Variants in ARHGAP22 observed in about 807,000 individuals in gnomAD.
ARHGAP22 encodes Rho GTPase activating protein 22, also known as rho GTPase-activating protein 22.
Under a neutral mutation model 59.1 loss-of-function variants are expected in ARHGAP22, and 48 were observed. The observed-to-expected ratio is 0.81, with a 90% CI of 0.64 to 1.03. The LOEUF is 1.03. Ranked by LOEUF, ARHGAP22 falls within the 50% of genes least tolerant of loss-of-function variation. ARHGAP22 has a pLI of 0.00. For missense variants in ARHGAP22, 1,015 were observed against 958.7 expected, an observed-to-expected ratio of 1.06 and a Z score of -0.78; for synonymous variants, 445 against 416.4, an observed-to-expected ratio of 1.07 and a Z score of -0.84.
chr10:48,591,694 C>A (rs185066058), intron 1 of ARHGAP22, among the ~76,000 whole-genome samples: 1 of 151,972 alleles, frequency 6.6e-6, no homozygotes, highest in Non-Finnish European at 1.5e-5. Flanking sequence ...GGCAACATGG[C>A]GAAACCTCAT....
At chr10:48,599,038 G>T (rs980202476) in intron 1 of ARHGAP22, among the ~76,000 whole-genome samples, 5 of 152,178 alleles carry the variant, frequency 3.3e-5, no homozygotes, top group Non-Finnish European at 7.3e-5. Context: ...GGCAATAGTG[G>T]TCTTTTTCTC....
intron 1 of ARHGAP22, among the ~76,000 whole-genome samples, chr10:48,603,402 A>T (rs1160579954): frequency 1.3e-5 from 2 of 152,266 alleles, no homozygotes; most frequent in African/African-American, 4.8e-5. Context: ...TTAATAATAG[A>T]TTTTATTTAA....
intron 1 of ARHGAP22, among the ~76,000 whole-genome samples, chr10:48,610,739 G>T (rs927984713): frequency 6.6e-6 from 1 of 152,162 alleles, no homozygotes; most frequent in African/African-American, 2.4e-5. Flanking sequence ...CCCAACTGGC[G>T]CTCCGAGCAG....
intron 9 of ARHGAP22, among the ~76,000 whole-genome samples, chr10:48,447,238 G>T: frequency 6.6e-6 from 1 of 152,240 alleles, no homozygotes; most frequent in Non-Finnish European, 1.5e-5. Flanking sequence ...GGCTCATGCT[G>T]CAGTGTGCCA....
intron 4 of ARHGAP22, among the ~76,000 whole-genome samples, chr10:48,476,902 T>G (rs2048807747): frequency 6.6e-6 from 1 of 152,242 alleles, no homozygotes; most frequent in African/African-American, 2.4e-5. Context: ...CCACCTCCAC[T>G]TCTCAGTTCT....
At chr10:48,552,807 A>T (rs945045947) in intron 3 of ARHGAP22, among the ~76,000 whole-genome samples, 1 of 152,164 alleles carries the variant, frequency 6.6e-6, no homozygotes, top group African/African-American at 2.4e-5. Flanking sequence ...AGGTGGGTTC[A>T]TCCAATCTTC....
intron 1 of ARHGAP22, among the ~76,000 whole-genome samples, chr10:48,584,950 C>T (rs61838387): frequency 0.15 from 22,308 of 150,852 alleles, 1,788 homozygotes; most frequent in Middle Eastern, 0.28. Context: ...GCTGAGATTG[C>T]GCCACTGCAC....
intron 1 of ARHGAP22, among the ~76,000 whole-genome samples, chr10:48,603,954 T>C (rs1251995884): frequency 2.0e-5 from 3 of 152,366 alleles, no homozygotes; most frequent in East Asian, 3.9e-4. Flanking sequence ...CTCCACTTCA[T>C]TGTTTACAAA....
chr10:48,616,138 C>G (rs529408430), intron 1 of ARHGAP22, among the ~76,000 whole-genome samples: 1 of 152,232 alleles, frequency 6.6e-6, no homozygotes, highest in East Asian at 1.9e-4. Flanking sequence ...GTGAGTCTAT[C>G]AGTGCCTATT....
rs773572817 is a variant in ARHGAP22, at chr10:48,446,408, C to A, written c.2080G>T (p.Ala694Ser). 4.3e-6 allele frequency: 7 copies of A among 1,614,040 alleles called. No homozygotes were observed. In the African/African-American group the frequency reaches 8.0e-5, roughly 18 times the overall value. The change falls in exon 10 of 10, where the codon GCC (alanine) becomes TCC (serine). Residue 694 changes from alanine to serine, a missense_variant. Ala to Ser is a moderately conservative substitution (Grantham distance 99). Coordinates refer to ENST00000249601, the MANE Select transcript of ARHGAP22 (RefSeq NM_021226.4). ...CATTCCTTTTACTTTGGGGCCCTGG[C>A]ACCTTTTGCCCCAACAGTCAAGCTT... is the stretch of plus-strand genomic sequence containing the variant. ...LGSLTVGAKG[A>S]RAPK
At chr10:48,605,214 G>C, upstream of ARHGAP22, 7 of 977,018 alleles carry the variant, frequency 7.2e-6, no homozygotes, top group Non-Finnish European at 8.7e-6. Context: ...GAGGGTACTG[G>C]GGTTCCGGCC....
At chr10:48,550,931 TC>T (rs1472021005) in intron 3 of ARHGAP22, among the ~76,000 whole-genome samples, 3 of 152,198 alleles carry the variant, frequency 2.0e-5, no homozygotes, top group African/African-American at 7.2e-5. Context: ...TAAGGATCTC[TC>T]CAATCCTTAA....
At chr10:48,655,009 T>C (rs945836258), upstream of ARHGAP22, among the ~76,000 whole-genome samples, 4 of 58,782 alleles carry the variant, frequency 6.8e-5, no homozygotes, top group African/African-American at 2.8e-4. Flanking sequence ...TCTTTCTTTC[T>C]CTTTCTTTCT....
intron 6 of ARHGAP22, among the ~76,000 whole-genome samples, chr10:48,454,401 C>G (rs552810960): frequency 3.3e-5 from 5 of 152,208 alleles, no homozygotes; most frequent in African/African-American, 1.2e-4. Context: ...CTACAGGGCC[C>G]GTGGAGGAAT....
intron 3 of ARHGAP22, among the ~76,000 whole-genome samples, chr10:48,555,212 T>C (rs1175609121): frequency 1.3e-5 from 2 of 152,248 alleles, no homozygotes; most frequent in East Asian, 1.9e-4. Context: ...ATTTCTTTCC[T>C]TGCATTTATC....
intron 2 of ARHGAP22, among the ~76,000 whole-genome samples, chr10:48,581,896 A>G (rs7909968): frequency 0.78 from 118,507 of 152,154 alleles, 46,450 homozygotes; most frequent in East Asian, 0.99. Flanking sequence ...TTGCACTGAA[A>G]GCTCTAAGTA....
At chr10:48,461,186 T>G (rs779490766) in intron 4 of ARHGAP22, among the ~76,000 whole-genome samples, 6 of 152,092 alleles carry the variant, frequency 3.9e-5, no homozygotes, top group Non-Finnish European at 7.4e-5. Context: ...ACAAAAAAAA[T>G]CATCAGAAAC....
At chr10:48,443,351 C>CGATA (rs1172734137), downstream of ARHGAP22, among the ~76,000 whole-genome samples, 3 of 152,176 alleles carry the variant, frequency 2.0e-5, no homozygotes, top group African/African-American at 7.2e-5. Flanking sequence ...TCACCATGGG[C>CGATA]GATAGGCCCT....
chr10:48,611,041 C>T (rs1037383656), intron 1 of ARHGAP22, among the ~76,000 whole-genome samples: 2 of 152,214 alleles, frequency 1.3e-5, no homozygotes, highest in Admixed American at 1.3e-4. Context: ...TACTACTCAC[C>T]TAGGACTCTT....
Sources: allele counts gnomAD v4.1 joint callset (sites outside exome capture counted in the v4.1 genomes callset), GRCh38; gene constraint gnomAD v4.1.1; transcripts MANE v1.5; gene names NCBI Gene and HGNC (gene_info 2026-07-23, HGNC 2026-07-21).